The following ST18 variants were observed in gnomAD, a reference collection of about 807,000 sequenced individuals.
ST18 encodes ST18 C2H2C-type zinc finger transcription factor.
A neutral mutation model predicts 110.0 loss-of-function variants in ST18; 50 were observed. The ratio of observed to expected loss-of-function variants is 0.45; its 90% CI spans 0.36 to 0.58. The LOEUF (loss-of-function observed/expected upper bound fraction) is 0.58. Ranked by LOEUF, ST18 falls within the 20% of genes least tolerant of loss-of-function variation. The pLI is 0.00. For synonymous variants in ST18, 461 were observed against 452.4 expected (o/e 1.02, Z -0.24); for missense variants, 1,306 against 1,280.1 (o/e 1.02, Z -0.31).
intron 12 of ST18, among the ~76,000 whole-genome samples, chr8:52,164,631 C>A (rs910069028): frequency 2.0e-5 from 3 of 152,200 alleles, no homozygotes; most frequent in Non-Finnish European, 2.9e-5. Context: ...TTTATAGACA[C>A]ACAATACATT....
intron 15 of ST18, among the ~76,000 whole-genome samples, chr8:52,153,251 C>G (rs892875590): frequency 2.0e-5 from 3 of 152,174 alleles, no homozygotes; most frequent in Non-Finnish European, 2.9e-5. Context: ...CACTGTTTTC[C>G]TGACTTGGCA....
chr8:52,401,764 T>C (rs1480708074), intron 2 of ST18, among the ~76,000 whole-genome samples: 1 of 152,174 alleles, frequency 6.6e-6, no homozygotes, highest in Non-Finnish European at 1.5e-5. Flanking sequence ...TTAAAATTAT[T>C]AGGTTTAATT....
chr8:52,405,981 T>G (rs1844341274), intron 2 of ST18: 1 of 152,234 alleles, frequency 6.6e-6, no homozygotes, highest in Non-Finnish European at 1.5e-5. Context: ...GCAGAAGCCC[T>G]GTACTCAGAC....
intron 2 of ST18, among the ~76,000 whole-genome samples, chr8:52,394,493 TC>T (rs546228601): frequency 6.6e-6 from 1 of 152,186 alleles, no homozygotes; most frequent in East Asian, 1.9e-4. Flanking sequence ...TGCTCAGACT[TC>T]CCATCCTCTG....
chr8:52,364,108 G>A (rs1487215187), intron 2 of ST18, among the ~76,000 whole-genome samples: 2 of 152,154 alleles, frequency 1.3e-5, no homozygotes, highest in African/African-American at 4.8e-5. Flanking sequence ...TTAAGCTCTT[G>A]CTTCAGACAA....
chr8:52,160,814 A>G (rs1407841283), intron 14 of ST18, among the ~76,000 whole-genome samples: 1 of 152,220 alleles, frequency 6.6e-6, no homozygotes, highest in African/African-American at 2.4e-5. Flanking sequence ...GTGTTTCCAT[A>G]TTCATGCTTC....
intron 2 of ST18, among the ~76,000 whole-genome samples, chr8:52,263,027 G>A (rs2094745077): frequency 6.6e-6 from 1 of 152,196 alleles, no homozygotes; most frequent in African/African-American, 2.4e-5. Context: ...CTCGACTGAA[G>A]TTGTGCCTCA....
rs545759360 is a variant in ST18, at chr8:52,366,124, A to G, written c.-465+43204T>C. The stretch of plus-strand genomic sequence containing the variant: ...GAATCATTCCGCTGTGAGGGGGAGG[A>G]GGTAGGACTTGAACCCAGGAACGCA... On this transcript the variant is annotated intron_variant, in intron 2 of 25. Transcript: ENST00000689386. Among the ~76,000 whole-genome samples the G allele has an allele frequency of 3.3e-5, 5 of 152,126 alleles. No individual in the cohort carries two copies. In the East Asian group the frequency reaches 9.7e-4, roughly 29 times the overall value.
intron 2 of ST18, among the ~76,000 whole-genome samples, chr8:52,314,448 C>A (rs549541285): frequency 6.6e-6 from 1 of 152,330 alleles, no homozygotes; most frequent in Non-Finnish European, 1.5e-5. Context: ...TTCCTGAAGA[C>A]ATTACTGTAC....
At chr8:52,263,041 C>T (rs1329177648) in intron 2 of ST18, among the ~76,000 whole-genome samples, 1 of 152,222 alleles carries the variant, frequency 6.6e-6, no homozygotes, top group Non-Finnish European at 1.5e-5. Context: ...TGCCTCAGTG[C>T]TTCTGTGAAG....
At chr8:52,362,189 G>C (rs1190942139) in intron 2 of ST18, among the ~76,000 whole-genome samples, 1 of 152,154 alleles carries the variant, frequency 6.6e-6, no homozygotes, top group Non-Finnish European at 1.5e-5. Context: ...TACAAATACT[G>C]TAATGTGATG....
intron 2 of ST18, among the ~76,000 whole-genome samples, chr8:52,342,278 A>G (rs887177868): frequency 1.3e-5 from 2 of 152,204 alleles, no homozygotes; most frequent in African/African-American, 2.4e-5. Context: ...ACAAAAAGAA[A>G]TCATATTCAT....
At chr8:52,308,910 A>G (rs1421211256) in intron 2 of ST18, among the ~76,000 whole-genome samples, 1 of 152,210 alleles carries the variant, frequency 6.6e-6, no homozygotes, top group Non-Finnish European at 1.5e-5. Context: ...TGTTGCAAGT[A>G]AGCTAGTGTT....
At chr8:52,240,589 C>G (rs2093304994) in intron 2 of ST18, among the ~76,000 whole-genome samples, 1 of 152,132 alleles carries the variant, frequency 6.6e-6, no homozygotes, top group African/African-American at 2.4e-5. Flanking sequence ...TATCTTAAAA[C>G]TTTTCTGTCT....
intron 2 of ST18, among the ~76,000 whole-genome samples, chr8:52,355,902 G>A (rs979203979): frequency 3.3e-5 from 5 of 152,172 alleles, no homozygotes; most frequent in South Asian, 2.1e-4. Context: ...CATTACAAGG[G>A]CTAGGGCAGC....
Position 52,111,968 on chromosome 8 carries a change from GTGTC to G in ST18, c.*1226_*1229del, listed in dbSNP as rs1158234494. ...TGAGTCTGTGTGTGTGTGTGTGTGT[GTGTC>G]TGTGTGTGAGTATGCCTGTGTGTGT... On this transcript the variant is annotated 3_prime_UTR_variant, in exon 26 of 26. Coordinates refer to ENST00000689386, the MANE Select transcript of ST18 (RefSeq NM_001352837.2). 1 of 152,420 alleles carries G rather than the reference GTGTC, an allele frequency of 6.6e-6. No individual in the cohort carries two copies. The highest frequency in any genetic ancestry group is 1.5e-5 in the Non-Finnish European group (1 of 68,028). The allele number at this position is 152,420 out of a possible 1,614,324, so 9.4% of individuals were successfully genotyped here. A position where few individuals can be genotyped will look rare whatever the true frequency, so the allele number is the denominator to read the frequency against.
chr8:52,301,349 T>C (rs2095718004), intron 2 of ST18, among the ~76,000 whole-genome samples: 2 of 151,966 alleles, frequency 1.3e-5, no homozygotes, highest in Non-Finnish European at 2.9e-5. Flanking sequence ...TCTAGCCATA[T>C]AGTTAAAGAA....
Position 52,149,769 on chromosome 8 carries a change from T to C in ST18, c.2015A>G (p.Tyr672Cys), listed in dbSNP as rs762532933. Residue 672 changes from tyrosine to cysteine, a missense_variant, in exon 16 of 26, where the codon TAT becomes TGT. Physicochemically the swap from Tyr to Cys is radical, Grantham distance 194. Transcript: ENST00000689386. The part of the protein sequence containing the change: ...DQEGWDTPIN[Y>C]SKTHGKTEEE... ...CTCTGTCTTCCCGTGAGTTTTGCTA[T>C]AGTTGATAGGAGTGTCCCAGCCCTC... 1.7e-5 allele frequency: 27 copies of C among 1,614,038 alleles called. No homozygotes were observed. The highest frequency in any genetic ancestry group is 2.1e-5 in the Non-Finnish European group (25 of 1,180,012).
At chr8:52,376,875 C>T (rs1431112022) in intron 2 of ST18, among the ~76,000 whole-genome samples, 1 of 152,180 alleles carries the variant, frequency 6.6e-6, no homozygotes, top group African/African-American at 2.4e-5. Context: ...TAAATCTAAG[C>T]TCAGTCAATT....
Sources: gnomAD v4.1 joint callset for allele counts (sites outside exome capture counted in the v4.1 genomes callset) on GRCh38, gnomAD v4.1.1 for gene constraint, MANE v1.5 for transcripts, NCBI Gene and HGNC (gene_info 2026-07-23, HGNC 2026-07-21) for gene names.